PUM2: variants seen among roughly 807,000 people sequenced by gnomAD.
The protein encoded by PUM2 is pumilio homolog 2.
In PUM2, 57 loss-of-function variants were observed where a neutral mutation model predicts 124.5. The observed-to-expected ratio is 0.46, with a 90% CI of 0.37 to 0.57. The LOEUF (loss-of-function observed/expected upper bound fraction) is 0.57, where lower values mean the gene tolerates loss of function less well. Ranked by LOEUF, PUM2 falls within the 20% of genes least tolerant of loss-of-function variation. The pLI is 0.00. For synonymous variants in PUM2, 460 were observed against 446.1 expected (o/e 1.03, Z -0.39); for missense variants, 1,065 against 1,290.6 (o/e 0.83, Z 2.68).
At chr2:20,286,948 A>G (rs1444882171) in intron 10 of PUM2, among the ~76,000 whole-genome samples, 5 of 152,188 alleles carry the variant, frequency 3.3e-5, no homozygotes, top group African/African-American at 1.2e-4. Context: ...TGCTACTGAG[A>G]AAGTCTGTGA....
chr2:20,350,792 T>G lies in PUM2; in HGVS notation c.-214A>C. 1.0e-6 allele frequency: 1 copy of G among 963,918 alleles called. No homozygotes were observed. The highest frequency in any genetic ancestry group is 1.2e-6 in the Non-Finnish European group (1 of 822,356). The allele number at this position is 963,918 out of a possible 1,614,324, so 59.7% of individuals were successfully genotyped here. A position where few individuals can be genotyped will look rare whatever the true frequency, so the allele number is the denominator to read the frequency against. On this transcript the variant is annotated 5_prime_UTR_variant, in exon 1 of 21. Transcript: ENST00000361078. The stretch of plus-strand genomic sequence containing the variant: ...CTCCGAACCACCGAAGTACCGAGGG[T>G]GAGACACAGAGACTCACAACAACAT...
chr2:20,346,746 T>C (rs1159599005), intron 1 of PUM2, among the ~76,000 whole-genome samples: 2 of 152,132 alleles, frequency 1.3e-5, no homozygotes, highest in Non-Finnish European at 2.9e-5. Context: ...CATGACCACA[T>C]TGTATGTGTG....
chr2:20,275,447 G>C (rs923842412), intron 13 of PUM2, among the ~76,000 whole-genome samples: 1 of 151,900 alleles, frequency 6.6e-6, no homozygotes, highest in Admixed American at 6.6e-5. Flanking sequence ...CAACTGATGA[G>C]GGATAGCTAT....
chr2:20,347,933 G>A (rs1180558391), intron 1 of PUM2, among the ~76,000 whole-genome samples: 2 of 152,194 alleles, frequency 1.3e-5, no homozygotes, highest in Non-Finnish European at 2.9e-5. Flanking sequence ...AAGGGGCTCT[G>A]CCATATTTCA....
At chr2:20,263,722 T>C (rs1275913136) in intron 13 of PUM2, among the ~76,000 whole-genome samples, 1 of 151,874 alleles carries the variant, frequency 6.6e-6, no homozygotes, top group Non-Finnish European at 1.5e-5. Flanking sequence ...CTTAATTATA[T>C]GATCTAGTGT....
intron 2 of PUM2, among the ~76,000 whole-genome samples, chr2:20,324,608 A>C (rs1469948279): frequency 1.3e-5 from 2 of 152,222 alleles, no homozygotes; most frequent in Non-Finnish European, 2.9e-5. Flanking sequence ...AGCAGAGTTC[A>C]ATCTCCTATA....
chr2:20,345,559 T>C (rs1688087912), intron 1 of PUM2, among the ~76,000 whole-genome samples: 2 of 152,062 alleles, frequency 1.3e-5, no homozygotes, highest in Admixed American at 1.3e-4. Context: ...TGTGGCACGA[T>C]ACATCTGCAA....
At position 20,272,922 on chromosome 2, in the gene PUM2, T is replaced by A. The variant is rs536947496; in HGVS notation, c.1957+5661A>T. Among the ~76,000 whole-genome samples, 17 of 152,292 alleles carry A rather than the reference T, an allele frequency of 1.1e-4. No individual in the cohort carries two copies. In the South Asian group the frequency reaches 3.5e-3, roughly 32 times the overall value. ...ACAACAAAACCAACTCCAGTGAAAA[T>A]ATTCTCTACATATAAGAAACAACTT... On this transcript the variant is annotated intron_variant, in intron 13 of 20. Coordinates refer to ENST00000361078, the MANE Select transcript of PUM2 (RefSeq NM_015317.5).
rs1558681901 is a variant in PUM2, at chr2:20,339,465, G to A, written c.-19+11132C>T. Among the ~76,000 whole-genome samples the A allele has an allele frequency of 2.0e-5, 3 of 152,158 alleles. No homozygotes were observed. In the South Asian group the frequency reaches 6.2e-4, roughly 31 times the overall value. On this transcript the variant is annotated intron_variant, in intron 1 of 20. Transcript: ENST00000361078. ...TTAGAAGCAATATAAAAGAATGTAC[G>A]TGTACACTCAATGCCTACTACAGTA...
chr2:20,350,895 G>A (rs1689258347), upstream of PUM2: 1 of 625,152 alleles, frequency 1.6e-6, no homozygotes, highest in South Asian at 7.1e-5. Context: ...AAGGGGAGGG[G>A]GAGCGCTCAC....
chr2:20,254,311 C>A (rs1664238399), intron 19 of PUM2, among the ~76,000 whole-genome samples: 1 of 152,122 alleles, frequency 6.6e-6, no homozygotes, highest in Non-Finnish European at 1.5e-5. Flanking sequence ...CAGGCATGCG[C>A]CACCACGCCT....
At chr2:20,278,938 G>A in intron 12 of PUM2, 119 bp from the exon 13 acceptor site, 2 of 757,986 alleles carry the variant, frequency 2.6e-6, no homozygotes, top group Non-Finnish European at 2.2e-6. Context: ...GAAACATTTT[G>A]GAGAAGATAA....
In PUM2 at chr2:20,302,779, T is replaced by C. The variant is rs141089699; in HGVS notation, c.884-5101A>G. Reference sequence around the variant, plus strand: ...GATGGCAGATATGAAAAGAAAGAATTTGCAGAAAGAAATGCAGAAACTCTG... The same window carrying C: ...GATGGCAGATATGAAAAGAAAGAATCTGCAGAAAGAAATGCAGAAACTCTG... On this transcript the variant is annotated intron_variant, in intron 7 of 20. Transcript: ENST00000361078. Among the ~76,000 whole-genome samples, 75 of 152,256 alleles carry C rather than the reference T, an allele frequency of 4.9e-4. No homozygotes were observed. In the East Asian group the frequency reaches 8.9e-3, roughly 18 times the overall value.
intron 5 of PUM2, among the ~76,000 whole-genome samples, chr2:20,310,225 A>C (rs560156239): frequency 2.0e-5 from 3 of 152,190 alleles, no homozygotes; most frequent in Non-Finnish European, 4.4e-5. Flanking sequence ...ACTGTATCTA[A>C]AATAATTAGT....
intron 7 of PUM2, among the ~76,000 whole-genome samples, chr2:20,305,463 GAAAAAAAAAAAAAA>G (rs67834545): frequency 2.2e-5 from 1 of 46,138 alleles, no homozygotes; most frequent in South Asian, 1.5e-3. Flanking sequence ...CCCTGTCTTC[GAAAAAAAAAAAAAA>G]AAAAAAAAAA....
At chr2:20,254,678 G>A (rs1157193911) in intron 19 of PUM2, among the ~76,000 whole-genome samples, 185 bp downstream of exon 19, 4 of 151,834 alleles carry the variant, frequency 2.6e-5, no homozygotes, top group Non-Finnish European at 5.9e-5. Context: ...ACATATGTGG[G>A]CAAAACAAAT....
Position 20,258,331 on chromosome 2 carries a change from A to G in PUM2, c.2396T>C (p.Ile799Thr). The change falls in exon 16 of 21, where the codon ATT (isoleucine) becomes ACT (threonine). Residue 799 changes from isoleucine to threonine, a missense_variant. By Grantham distance (89) the Ile-to-Thr change is moderately conservative. Transcript: ENST00000361078. Reference sequence around the variant, plus strand: ...GGCTAAGGGTAGAACATGACCACGAATACGAGTAGCCAGGGCTAATTTTTG... The same window carrying G: ...GGCTAAGGGTAGAACATGACCACGAGTACGAGTAGCCAGGGCTAATTTTTG... ...LDQKLALATRIRGHVLPLALQ... is the reference protein window; with the variant it reads ...LDQKLALATRTRGHVLPLALQ... 1 of 1,612,726 alleles carries G rather than the reference A, an allele frequency of 6.2e-7. No homozygotes were observed. The highest frequency in any genetic ancestry group is 8.5e-7 in the Non-Finnish European group (1 of 1,179,022).
In PUM2 at chr2:20,252,873, T is replaced by A. The variant is rs189026275; in HGVS notation, c.3063+949A>T. On this transcript the variant is annotated intron_variant, in intron 20 of 20. Coordinates refer to ENST00000361078, the MANE Select transcript of PUM2 (RefSeq NM_015317.5). ...TTCAACCACTGATCAAAAATATTTT[T>A]AAAAATGACAAAGTCTGTATTAAAC... Among the ~76,000 whole-genome samples, 70 of 152,358 alleles carry A rather than the reference T, an allele frequency of 4.6e-4. 1 individual carries two copies. The East Asian group carries it at 0.013, about 27-fold the overall frequency.
chr2:20,319,279 T>G (rs987713727), intron 2 of PUM2, among the ~76,000 whole-genome samples: 3 of 152,244 alleles, frequency 2.0e-5, no homozygotes, highest in Non-Finnish European at 4.4e-5. Flanking sequence ...AATGAACATT[T>G]TGGACAATTC....
Sources: allele counts gnomAD v4.1 joint callset (sites outside exome capture counted in the v4.1 genomes callset), GRCh38; gene constraint gnomAD v4.1.1; transcripts MANE v1.5; gene names NCBI Gene and HGNC (gene_info 2026-07-23, HGNC 2026-07-21).